Variants in DCT observed in about 807,000 individuals in gnomAD.
The protein encoded by DCT is L-dopachrome tautomerase.
In DCT, 47 loss-of-function variants were observed where a neutral mutation model predicts 53.0. The ratio of observed to expected loss-of-function variants is 0.89; its 90% CI spans 0.70 to 1.13. The LOEUF (loss-of-function observed/expected upper bound fraction) is 1.13. DCT is among the 50% of genes most tolerant of loss of function. DCT has a pLI of 0.00. For missense variants in DCT, 669 were observed against 637.4 expected, an observed-to-expected ratio of 1.05 and a Z score of -0.53; for synonymous variants, 244 against 237.0, an observed-to-expected ratio of 1.03 and a Z score of -0.27.
chr13:94,497,810 CA>C, the DCT span, among the ~76,000 whole-genome samples: 5 of 151,624 alleles, frequency 3.3e-5, no homozygotes, highest in East Asian at 7.8e-4. Context: ...TAACTTTTAT[CA>C]AAAAAAACTC....
At chr13:94,508,836 A>G in the DCT span, among the ~76,000 whole-genome samples, 1 of 152,316 alleles carries the variant, frequency 6.6e-6, no homozygotes, top group African/African-American at 2.4e-5. Flanking sequence ...TCTTGGTCCC[A>G]TGAGTGCTAC....
chr13:94,447,859 G>A (rs972898827), intron 6 of DCT, among the ~76,000 whole-genome samples: 1 of 152,146 alleles, frequency 6.6e-6, no homozygotes, highest in African/African-American at 2.4e-5. Flanking sequence ...AAGATCCTAA[G>A]GCAATTAGTA....
At chr13:94,460,459 T>C (rs779279564) in intron 5 of DCT, among the ~76,000 whole-genome samples, 18 of 152,248 alleles carry the variant, frequency 1.2e-4, no homozygotes, top group Non-Finnish European at 2.5e-4. Flanking sequence ...GTGTACTGTA[T>C]GACAACTTTC....
chr13:94,513,376 G>A, the DCT span, among the ~76,000 whole-genome samples: 25 of 152,272 alleles, frequency 1.6e-4, no homozygotes, highest in East Asian at 1.4e-3. Flanking sequence ...AGAATTTATC[G>A]TGTGGAGAGG....
chr13:94,511,263 A>T, the DCT span, among the ~76,000 whole-genome samples: 3 of 150,420 alleles, frequency 2.0e-5, no homozygotes, highest in African/African-American at 7.4e-5. Context: ...CCTCCAATAC[A>T]CCCTGCTCTC....
chr13:94,457,808 T>C (rs754409738), intron 6 of DCT, among the ~76,000 whole-genome samples: 14 of 152,154 alleles, frequency 9.2e-5, no homozygotes, highest in Non-Finnish European at 1.5e-4. Context: ...CTTTTGGGGA[T>C]TGGCTGCTGA....
chr13:94,460,253 A>G, intron 5 of DCT, 27 bp from the exon 6 acceptor site: 1 of 1,607,142 alleles, frequency 6.2e-7, no homozygotes, highest in Non-Finnish European at 8.5e-7. Context: ...TATCAGTGAC[A>G]ACAGACAAAG....
the DCT span, among the ~76,000 whole-genome samples, chr13:94,497,666 A>T: frequency 2.6e-5 from 4 of 152,176 alleles, no homozygotes; most frequent in African/African-American, 4.8e-5. Flanking sequence ...AAAGGTCTTC[A>T]TCCTCATCTT....
intron 1 of DCT, among the ~76,000 whole-genome samples, chr13:94,474,873 T>A (rs1299190395): frequency 6.6e-6 from 1 of 152,242 alleles, no homozygotes; most frequent in Non-Finnish European, 1.5e-5. Flanking sequence ...ACCAGCTTCA[T>A]GATTATGGAA....
the DCT span, among the ~76,000 whole-genome samples, chr13:94,489,493 T>C: frequency 4.6e-5 from 7 of 152,176 alleles, no homozygotes; most frequent in Admixed American, 4.6e-4. Flanking sequence ...AGATATGGCA[T>C]TGGATATAAA....
chr13:94,521,791 A>G, the DCT span, among the ~76,000 whole-genome samples: 12,958 of 152,306 alleles, frequency 0.085, 1,238 homozygotes, highest in African/African-American at 0.24. Flanking sequence ...CTCATTTTAA[A>G]TACACAATTT....
chr13:94,505,365 T>A, the DCT span, among the ~76,000 whole-genome samples: 72 of 152,288 alleles, frequency 4.7e-4, 1 homozygote, highest in African/African-American at 1.7e-3. Context: ...ACCTCCAGAT[T>A]AGACACCATA....
the DCT span, among the ~76,000 whole-genome samples, chr13:94,524,648 C>T: frequency 1.3e-5 from 2 of 152,150 alleles, no homozygotes; most frequent in East Asian, 3.9e-4. Flanking sequence ...TGCTGTCTTC[C>T]CCCAGAATTA....
At chr13:94,532,549 C>T in the DCT span, among the ~76,000 whole-genome samples, 205 of 152,282 alleles carry the variant, frequency 1.3e-3, no homozygotes, top group African/African-American at 4.8e-3. Context: ...GAAAACCAAA[C>T]ACCACATGTT....
At position 94,464,244 on chromosome 13, in the gene DCT, G is replaced by A. The variant is rs113987129; in HGVS notation, c.863+1389C>T. On this transcript the variant is annotated intron_variant, in intron 4 of 7. Transcript: ENST00000377028. ...CAAAACGCACACCTATGCAGGCTCA[G>A]GGTGTTGGCAGTGAAGCCTGGGGGC... 3.5e-3 allele frequency among the ~76,000 whole-genome samples: 532 copies of A among 152,354 alleles called. 6 individuals are homozygous for A. The highest frequency in any genetic ancestry group is 0.012 in the African/African-American group (509 of 41,580).
intron 6 of DCT, among the ~76,000 whole-genome samples, chr13:94,447,735 C>A (rs1452674454): frequency 5.3e-5 from 8 of 152,094 alleles, no homozygotes; most frequent in Non-Finnish European, 1.2e-4. Flanking sequence ...CAGAAAGAGA[C>A]AAGAGACTAT....
chr13:94,476,922 G>T (rs1413122101), intron 1 of DCT, among the ~76,000 whole-genome samples: 1 of 152,038 alleles, frequency 6.6e-6, no homozygotes, highest in Non-Finnish European at 1.5e-5. Context: ...TTGAGAGAAG[G>T]TCTATAGAAG....
intron 7 of DCT, among the ~76,000 whole-genome samples, chr13:94,441,282 C>A (rs1273601153): frequency 1.3e-5 from 2 of 152,008 alleles, no homozygotes; most frequent in African/African-American, 4.8e-5. Context: ...TTGTTCAAGA[C>A]CAAAAAATGG....
At chr13:94,445,775 A>G in intron 6 of DCT, 1 of 1,558,236 alleles carries the variant, frequency 6.4e-7, no homozygotes, top group Non-Finnish European at 8.7e-7. Context: ...TTGAGACACA[A>G]AATTTAATAG....
Sources: gnomAD v4.1 joint callset for allele counts (sites outside exome capture counted in the v4.1 genomes callset) on GRCh38, gnomAD v4.1.1 for gene constraint, MANE v1.5 for transcripts, NCBI Gene and HGNC (gene_info 2026-07-23, HGNC 2026-07-21) for gene names.